The following TTLL6 variants were observed in gnomAD, a reference collection of about 807,000 sequenced individuals.
TTLL6 encodes the protein tubulin polyglutamylase TTLL6.
Under a neutral mutation model 96.4 loss-of-function variants are expected in TTLL6, and 75 were observed. The observed-to-expected ratio is 0.78, with a 90% CI of 0.65 to 0.94. TTLL6 has a LOEUF of 0.94. Among genes scored for constraint, TTLL6 ranks in the 40% least tolerant of loss-of-function variants. The pLI is 0.00. For missense variants in TTLL6, 1,030 were observed against 1,093.0 expected, an observed-to-expected ratio of 0.94 and a Z score of 0.81; for synonymous variants, 411 against 419.4, an observed-to-expected ratio of 0.98 and a Z score of 0.24.
At chr17:48,792,140 C>T (rs548783671) in intron 8 of TTLL6, among the ~76,000 whole-genome samples, 2 of 152,300 alleles carry the variant, frequency 1.3e-5, no homozygotes, top group Admixed American at 6.5e-5. Flanking sequence ...CCAACTGTGC[C>T]AGGCAAACTG....
At chr17:48,798,018 G>A (rs2039349250) in intron 6 of TTLL6, among the ~76,000 whole-genome samples, 1 of 151,930 alleles carries the variant, frequency 6.6e-6, no homozygotes, top group African/African-American at 2.4e-5. Flanking sequence ...TGAGGTGGAA[G>A]GATTGCTCAA....
chr17:48,802,610 C>G (rs951054637), intron 3 of TTLL6, among the ~76,000 whole-genome samples: 1 of 152,254 alleles, frequency 6.6e-6, no homozygotes, highest in African/African-American at 2.4e-5. Context: ...GCGGCTCACG[C>G]CTGTAATCCC....
intron 13 of TTLL6, among the ~76,000 whole-genome samples, chr17:48,773,094 G>T (rs1225430465): frequency 6.6e-6 from 1 of 152,170 alleles, no homozygotes; most frequent in Non-Finnish European, 1.5e-5. Flanking sequence ...GGGCTTAATG[G>T]CAGACAAAAC....
intron 1 of TTLL6, among the ~76,000 whole-genome samples, chr17:48,814,934 A>T (rs1252502094): frequency 1.3e-5 from 2 of 152,026 alleles, no homozygotes; most frequent in Non-Finnish European, 2.9e-5. Flanking sequence ...ATGCACCACC[A>T]CGCCTGGCTA....
In TTLL6 at chr17:48,799,810, A is replaced by G. The variant is rs2039379476; in HGVS notation, c.612-50T>C. The G allele has an allele frequency of 4.7e-6, 7 of 1,498,186 alleles. No individual in the cohort carries two copies. In the East Asian group the frequency reaches 1.7e-4, roughly 37 times the overall value. 92.8% of individuals were successfully genotyped at this position (1,498,186 alleles called of 1,614,324 possible). On this transcript the variant is annotated intron_variant, in intron 5 of 15. Transcript: ENST00000393382. ...ATACATCTTTAGCTGGGGAGCAATG[A>G]AAAGGAAGGCTAGCCCTTTATGAAG...
intron 13 of TTLL6, among the ~76,000 whole-genome samples, chr17:48,773,103 ACAGT>A (rs2038783703): frequency 1.4e-5 from 1 of 73,732 alleles, no homozygotes; most frequent in Non-Finnish European, 2.8e-5. Flanking sequence ...GGCAGACAAA[ACAGT>A]CAGCGAGTTT....
At chr17:48,765,252 T>C (rs988065594) in intron 15 of TTLL6, among the ~76,000 whole-genome samples, 1 of 152,060 alleles carries the variant, frequency 6.6e-6, no homozygotes, top group Non-Finnish European at 1.5e-5. Flanking sequence ...GCTACAAAAA[T>C]ACTTTTTAAA....
At chr17:48,787,238 T>A (rs2039117561) in intron 11 of TTLL6, among the ~76,000 whole-genome samples, 1 of 152,082 alleles carries the variant, frequency 6.6e-6, no homozygotes, top group African/African-American at 2.4e-5. Flanking sequence ...GCTCCTGGAG[T>A]TTACGCCTGT....
intron 13 of TTLL6, among the ~76,000 whole-genome samples, chr17:48,784,482 T>C (rs2039050073): frequency 6.6e-6 from 1 of 151,850 alleles, no homozygotes; most frequent in African/African-American, 2.4e-5. Context: ...ATTGGAGTTA[T>C]GCTGCCACAA....
chr17:48,795,575 C>T (rs1274340467), intron 8 of TTLL6, among the ~76,000 whole-genome samples: 1 of 152,122 alleles, frequency 6.6e-6, no homozygotes, highest in Non-Finnish European at 1.5e-5. Context: ...CTCTCAATTT[C>T]CCCCCTTCTG....
chr17:48,799,551 T>C, intron 6 of TTLL6, 53 bp downstream of exon 6: 1 of 1,522,190 alleles, frequency 6.6e-7, no homozygotes, highest in South Asian at 1.2e-5. Flanking sequence ...CCAGTGGAGC[T>C]AAAGTCCGCG....
At chr17:48,791,798 C>T (rs2039230609) in intron 8 of TTLL6, among the ~76,000 whole-genome samples, 195 bp from the exon 9 acceptor site, 1 of 152,170 alleles carries the variant, frequency 6.6e-6, no homozygotes, top group South Asian at 2.1e-4. Context: ...CCACACCCTC[C>T]AAGTCTCCAG....
At position 48,796,202 on chromosome 17, in the gene TTLL6, T is replaced by C. The variant is rs1397015903; in HGVS notation, c.913-56A>G. 5.0e-6 allele frequency: 7 copies of C among 1,397,606 alleles called. No homozygotes were observed. In the East Asian group the frequency reaches 1.3e-4, roughly 25 times the overall value. 86.6% of individuals were successfully genotyped at this position (1,397,606 alleles called of 1,614,324 possible). A position where few individuals can be genotyped will look rare whatever the true frequency, so the allele number is the denominator to read the frequency against. ...AGCTCGGAAGGGCAGGCCCCCTGCT[T>C]CCTCTCTGTGCCCTCCCATGGCCCC... On this transcript the variant is annotated intron_variant, in intron 7 of 15. Coordinates refer to ENST00000393382, the MANE Select transcript of TTLL6 (RefSeq NM_001130918.3).
intron 11 of TTLL6, among the ~76,000 whole-genome samples, chr17:48,787,197 G>A (rs1200076412): frequency 6.6e-6 from 1 of 152,098 alleles, no homozygotes; most frequent in Non-Finnish European, 1.5e-5. Flanking sequence ...GCTGGTAGGA[G>A]AGGACTGGAC....
chr17:48,809,134 T>G (rs2039545186), intron 1 of TTLL6, among the ~76,000 whole-genome samples: 1 of 148,028 alleles, frequency 6.8e-6, no homozygotes, highest in South Asian at 2.1e-4. Context: ...AGCCAAGGAT[T>G]GCCACTTGTT....
chr17:48,786,306 C>T lies in TTLL6; in HGVS notation c.1619G>A (p.Arg540Gln), dbSNP rs375581732. Residue 540 changes from arginine to glutamine, a missense_variant, in exon 12 of 16, where the codon CGG (arginine) becomes CAG (glutamine). Coordinates refer to ENST00000393382, the MANE Select transcript of TTLL6 (RefSeq NM_001130918.3). ...RQLIQELRLK[R>Q]EKKPFQMKKK... is the part of the protein sequence containing the mutation. ...CTTCATTTGGAAGGGCTTTTTCTCCCGTTTTAGTCTCAGCTCCTGGATCAG... is the reference window on the plus strand; with the variant it reads ...CTTCATTTGGAAGGGCTTTTTCTCCTGTTTTAGTCTCAGCTCCTGGATCAG... 8 of 1,614,224 alleles carry T rather than the reference C, an allele frequency of 5.0e-6. No individual in the cohort carries two copies. The highest frequency in any genetic ancestry group is 1.6e-4 in the Middle Eastern group (1 of 6,062).
At chr17:48,806,368 G>A (rs2039506087) in intron 1 of TTLL6, 1 of 151,958 alleles carries the variant, frequency 6.6e-6, no homozygotes, top group Non-Finnish European at 1.5e-5. Flanking sequence ...GTTTGCCTTT[G>A]GGTAACCCAG....
intron 13 of TTLL6, among the ~76,000 whole-genome samples, chr17:48,783,382 A>G (rs1482187175): frequency 4.6e-5 from 7 of 152,152 alleles, no homozygotes. Flanking sequence ...TCGTTTCTGC[A>G]AAATAGAAAA....
At chr17:48,789,630 C>T (rs2039178733) in intron 10 of TTLL6, among the ~76,000 whole-genome samples, 1 of 151,832 alleles carries the variant, frequency 6.6e-6, no homozygotes, top group Non-Finnish European at 1.5e-5. Context: ...TCTCGGCTCA[C>T]TGCAACCTCT....
Sources: allele counts gnomAD v4.1 joint callset (sites outside exome capture counted in the v4.1 genomes callset), GRCh38; gene constraint gnomAD v4.1.1; transcripts MANE v1.5; gene names NCBI Gene and HGNC (gene_info 2026-07-23, HGNC 2026-07-21).